Variants in NUGGC observed in about 807,000 individuals in gnomAD.
NUGGC encodes nuclear GTPase SLIP-GC.
In NUGGC, 58 loss-of-function variants were observed where a neutral mutation model predicts 92.6. The observed-to-expected ratio is 0.63, with a 90% CI of 0.51 to 0.78. NUGGC has a LOEUF of 0.78. NUGGC is among the 30% of genes least tolerant of loss of function. The pLI is 0.00. For synonymous variants in NUGGC, 376 were observed against 366.4 expected (o/e 1.03, Z -0.30); for missense variants, 925 against 964.6 (o/e 0.96, Z 0.54).
chr8:28,031,577 T>C (rs1809419755), intron 14 of NUGGC, among the ~76,000 whole-genome samples, 196 bp from the exon 15 acceptor site: 1 of 152,214 alleles, frequency 6.6e-6, no homozygotes, highest in African/African-American at 2.4e-5. Context: ...GTTCGTGAGA[T>C]AATGCTCACT....
intron 14 of NUGGC, 81 bp from the exon 15 acceptor site, chr8:28,031,462 CT>C: frequency 1.5e-6 from 2 of 1,332,812 alleles, no homozygotes. Flanking sequence ...AGCTGGTGTC[CT>C]TTTATTCATT....
chr8:28,031,328 T>A lies in NUGGC; in HGVS notation c.1823A>T (p.Gln608Leu). Residue 608 changes from glutamine (Q) to leucine (L), a missense_variant, in exon 15 of 19, where the codon CAG becomes CTG. By Grantham distance (113) the Gln-to-Leu change is moderately radical. Coordinates refer to ENST00000413272, the MANE Select transcript of NUGGC (RefSeq NM_001010906.2). ...TTCTGTCATTTTCTCCTGCAGGGAC[T>A]GCTTAAAAGCATCTATGTGAGGCAT... Reference protein sequence around the residue: ...ALMPHIDAFKQSLQEKMTEIG... With the variant: ...ALMPHIDAFKLSLQEKMTEIG... The A allele has an allele frequency of 6.2e-7, 1 of 1,613,984 alleles. No individual in the cohort carries two copies. Among genetic ancestry groups the A allele is most frequent in the Non-Finnish European group, 8.5e-7 (1 of 1,179,808 alleles).
At chr8:28,071,121 G>A (rs981225583) in intron 2 of NUGGC, among the ~76,000 whole-genome samples, 1 of 152,128 alleles carries the variant, frequency 6.6e-6, no homozygotes, top group Non-Finnish European at 1.5e-5. Flanking sequence ...TCTGCATTTA[G>A]TTCCAAAATG....
chr8:28,043,917 AGTTTT>A (rs958757812), intron 12 of NUGGC, among the ~76,000 whole-genome samples: 1 of 152,194 alleles, frequency 6.6e-6, no homozygotes, highest in Admixed American at 6.5e-5. Flanking sequence ...AGATTCCAAG[AGTTTT>A]GTTTTGTTTT....
intron 6 of NUGGC, among the ~76,000 whole-genome samples, chr8:28,065,155 T>A (rs1277841304): frequency 6.1e-5 from 8 of 130,770 alleles, no homozygotes; most frequent in African/African-American, 2.1e-4. Context: ...ATTGGATCTT[T>A]TTTTTTTTTT....
chr8:28,067,610 T>C lies in NUGGC; in HGVS notation c.615A>G (p.Gly205=). Residue 205 remains glycine (G), a synonymous_variant, in exon 6 of 19, where the codon GGA becomes GGG. Transcript: ENST00000413272. ...CATAGTTCTTACTCTCTGCCCCATT[T>C]CCATAAATCATTTGTAGCTTCCAGG... ...EATWKLQMIY[G]NGAESKNYEE... 1 of 1,613,984 alleles carries C rather than the reference T, an allele frequency of 6.2e-7. No homozygotes were observed. Among genetic ancestry groups the C allele is most frequent in the Non-Finnish European group, 8.5e-7 (1 of 1,179,858 alleles).
At chr8:28,071,123 T>A (rs1810580669) in intron 2 of NUGGC, among the ~76,000 whole-genome samples, 1 of 152,176 alleles carries the variant, frequency 6.6e-6, no homozygotes, top group African/African-American at 2.4e-5. Context: ...TGCATTTAGT[T>A]CCAAAATGTA....
At chr8:28,023,970 G>A (rs1024263182) in intron 18 of NUGGC, among the ~76,000 whole-genome samples, 1 of 152,292 alleles carries the variant, frequency 6.6e-6, no homozygotes, top group South Asian at 2.1e-4. Flanking sequence ...GAGTCTGGAT[G>A]CCTCTGGGAG....
chr8:28,063,985 A>G (rs1810373875), intron 7 of NUGGC, among the ~76,000 whole-genome samples: 1 of 152,078 alleles, frequency 6.6e-6, no homozygotes. Context: ...CAAACTCTGG[A>G]GCAGTAGTAC....
intron 12 of NUGGC, among the ~76,000 whole-genome samples, chr8:28,041,737 G>C (rs191444575): frequency 1.3e-5 from 2 of 152,146 alleles, no homozygotes; most frequent in African/African-American, 4.8e-5. Flanking sequence ...CTGGTCTTCC[G>C]AGCTATGGAC....
Position 28,064,530 on chromosome 8 carries a change from A to G in NUGGC, c.913T>C (p.Trp305Arg). Residue 305 changes from tryptophan to arginine, a missense_variant, in exon 7 of 19, where the codon TGG (tryptophan) becomes CGG (arginine). Physicochemically the swap from Trp to Arg is moderately radical, Grantham distance 101. Transcript: ENST00000413272. The stretch of plus-strand genomic sequence containing the variant: ...CTACGAAAGACAGTCACCTTTTTCC[A>G]CATCTCGTCCCTCTTGCTGTTGAAG... ...GDFNSKRDEM[W>R]KKTIDKCSVI... 6.2e-7 allele frequency: 1 copy of G among 1,613,936 alleles called. No homozygotes were observed. Among genetic ancestry groups the G allele is most frequent in the Non-Finnish European group, 8.5e-7 (1 of 1,179,790 alleles).
intron 6 of NUGGC, among the ~76,000 whole-genome samples, chr8:28,066,184 G>C (rs1476478752): frequency 1.3e-5 from 2 of 152,220 alleles, no homozygotes; most frequent in East Asian, 3.8e-4. Flanking sequence ...AAAGCAACTA[G>C]TTTTGTAATC....
At chr8:28,028,054 G>A (rs995242100) in intron 17 of NUGGC, among the ~76,000 whole-genome samples, 4 of 142,662 alleles carry the variant, frequency 2.8e-5, no homozygotes, top group South Asian at 2.1e-4. Flanking sequence ...GTTAACTGGC[G>A]TTCTTTAAAA....
chr8:28,031,133 G>T, intron 15 of NUGGC, 110 bp downstream of exon 15: 1 of 1,274,686 alleles, frequency 7.8e-7, no homozygotes, highest in Non-Finnish European at 1.1e-6. Context: ...GGTACTCCCA[G>T]ACCCTGGATA....
In NUGGC at chr8:28,060,459, T is replaced by C; in HGVS notation, c.1064A>G (p.Lys355Arg). ...FCRDVALVVT[K>R]MDKLHLPEYL... ...TTCTGGCAAGTGGAGTTTGTCCATC[T>C]TGGTGACCACCAGGGCCACGTCCCT... Residue 355 changes from lysine to arginine, a missense_variant, in exon 8 of 19, where the codon AAG (lysine) becomes AGG (arginine). By Grantham distance (26) the Lys-to-Arg change is conservative (BLOSUM62 2). Coordinates refer to ENST00000413272, the MANE Select transcript of NUGGC (RefSeq NM_001010906.2). 2 of 1,613,892 alleles carry C rather than the reference T, an allele frequency of 1.2e-6. No individual in the cohort carries two copies. Among genetic ancestry groups the C allele is most frequent in the Non-Finnish European group, 1.7e-6 (2 of 1,179,846 alleles).
intron 1 of NUGGC, among the ~76,000 whole-genome samples, chr8:28,076,322 A>C (rs1274177802): frequency 2.0e-5 from 3 of 152,220 alleles, no homozygotes; most frequent in Non-Finnish European, 4.4e-5. Context: ...TGCTTGTGAC[A>C]GAGTCTTGCT....
intron 1 of NUGGC, among the ~76,000 whole-genome samples, chr8:28,083,240 G>A (rs996436585): frequency 2.0e-5 from 3 of 152,182 alleles, no homozygotes; most frequent in African/African-American, 7.2e-5. Context: ...CCTAAATCAT[G>A]TTGACAATAT....
At chr8:28,076,929 C>A (rs1459569802) in intron 1 of NUGGC, among the ~76,000 whole-genome samples, 1 of 152,148 alleles carries the variant, frequency 6.6e-6, no homozygotes, top group Non-Finnish European at 1.5e-5. Flanking sequence ...TCAGAGTTGT[C>A]CAAAATGGAA....
At chr8:28,024,897 T>C (rs1809218174) in intron 18 of NUGGC, among the ~76,000 whole-genome samples, 1 of 152,254 alleles carries the variant, frequency 6.6e-6, no homozygotes, top group Non-Finnish European at 1.5e-5. Flanking sequence ...ATCTGAAGTC[T>C]GAGTGGGTTC....
Sources: allele counts gnomAD v4.1 joint callset (sites outside exome capture counted in the v4.1 genomes callset), GRCh38; gene constraint gnomAD v4.1.1; transcripts MANE v1.5; gene names NCBI Gene and HGNC (gene_info 2026-07-23, HGNC 2026-07-21).